Variants in LPCAT2 observed in about 807,000 individuals in gnomAD.
The protein encoded by LPCAT2 is 1-AGP acyltransferase 11.
In LPCAT2, 58 loss-of-function variants were observed where a neutral mutation model predicts 64.7. The observed-to-expected ratio is 0.90, with a 90% CI of 0.73 to 1.12. The LOEUF is 1.12. LPCAT2 is among the 50% of genes most tolerant of loss of function. The pLI is 0.00. For synonymous variants in LPCAT2, 252 were observed against 245.3 expected, an observed-to-expected ratio of 1.03 and a Z score of -0.26; for missense variants, 579 against 669.8, an observed-to-expected ratio of 0.86 and a Z score of 1.50.
intron 1 of LPCAT2, among the ~76,000 whole-genome samples, chr16:55,514,856 A>C (rs540587916): frequency 1.3e-5 from 2 of 151,514 alleles, no homozygotes; most frequent in Admixed American, 1.3e-4. Flanking sequence ...GCAGGGTATC[A>C]CCAAATGGAG....
chr16:55,575,937 A>C (rs527923179), intron 12 of LPCAT2, among the ~76,000 whole-genome samples: 1 of 152,328 alleles, frequency 6.6e-6, no homozygotes, highest in African/African-American at 2.4e-5. Context: ...TAAAACCTAA[A>C]ATTACACACA....
intron 11 of LPCAT2, chr16:55,566,682 C>T (rs1963700524): frequency 1.3e-6 from 2 of 1,482,334 alleles, no homozygotes; most frequent in East Asian, 4.6e-5. Flanking sequence ...CACATGTAAA[C>T]TACTTGAACT....
At chr16:55,545,499 C>CTT in intron 8 of LPCAT2, 1 of 349,192 alleles carries the variant, frequency 2.9e-6, no homozygotes, top group Non-Finnish European at 5.2e-6. Flanking sequence ...TCTTAGCCCT[C>CTT]TTTTTAGAGT....
At chr16:55,571,560 A>T (rs1479431375) in intron 11 of LPCAT2, among the ~76,000 whole-genome samples, 1 of 152,080 alleles carries the variant, frequency 6.6e-6, no homozygotes, top group East Asian at 1.9e-4. Flanking sequence ...TTATGGAGGG[A>T]TTACGGCCTC....
rs1424529298 is a variant in LPCAT2, at chr16:55,586,057, T to C, written c.*2959T>C. 4.6e-5 allele frequency: 7 copies of C among 152,112 alleles called. No individual in the cohort carries two copies. The highest frequency in any genetic ancestry group is 1.7e-4 in the African/African-American group (7 of 41,440). The allele number at this position is 152,112 out of a possible 1,614,324, so 9.4% of individuals were successfully genotyped here. On this transcript the variant is annotated 3_prime_UTR_variant, in exon 14 of 14. Transcript: ENST00000262134. ...CCATTCCCGGGAAAGTAGACATACTTACATTTTTTTCCTTTTCTGCTCATT... is the reference window on the plus strand; with the variant it reads ...CCATTCCCGGGAAAGTAGACATACTCACATTTTTTTCCTTTTCTGCTCATT...
intron 13 of LPCAT2, 130 bp downstream of exon 13, chr16:55,579,374 A>C: frequency 6.9e-6 from 6 of 874,134 alleles, no homozygotes; most frequent in Non-Finnish European, 1.0e-5. Context: ...ATTGATGACC[A>C]CAGTAATAAT....
At chr16:55,528,760 GA>G (rs1349114216) in intron 3 of LPCAT2, among the ~76,000 whole-genome samples, 166 bp downstream of exon 3, 1 of 152,006 alleles carries the variant, frequency 6.6e-6, no homozygotes, top group African/African-American at 2.4e-5. Flanking sequence ...GTATATTTAT[GA>G]AAAAAGATTA....
chr16:55,535,436 G>T lies in LPCAT2; in HGVS notation c.797+959G>T, dbSNP rs370109185. The stretch of plus-strand genomic sequence containing the variant: ...AGAATAGGTAACTGATGAGACAGTA[G>T]AATAAATATTAACACATATGAAACA... On this transcript the variant is annotated intron_variant, in intron 7 of 13. Transcript: ENST00000262134. 3.3e-5 allele frequency among the ~76,000 whole-genome samples: 5 copies of T among 152,208 alleles called. No homozygotes were observed. In the East Asian group the frequency reaches 5.8e-4, roughly 18 times the overall value.
intron 6 of LPCAT2, among the ~76,000 whole-genome samples, chr16:55,534,173 G>A (rs1290335445): frequency 6.6e-6 from 1 of 152,046 alleles, no homozygotes; most frequent in Non-Finnish European, 1.5e-5. Flanking sequence ...GAGAAAAGTG[G>A]CTAAGCATGT....
At chr16:55,575,663 C>T (rs1455636401) in intron 12 of LPCAT2, among the ~76,000 whole-genome samples, 3 of 152,168 alleles carry the variant, frequency 2.0e-5, no homozygotes, top group African/African-American at 7.2e-5. Flanking sequence ...TTTCCCCCCT[C>T]TATTATCTAG....
intron 11 of LPCAT2, among the ~76,000 whole-genome samples, chr16:55,572,630 G>A (rs376991278): frequency 8.7e-5 from 7 of 80,730 alleles, no homozygotes; most frequent in Non-Finnish European, 1.4e-4. Flanking sequence ...AGATATTGGC[G>A]CTGGTTACCA....
chr16:55,531,015 A>G (rs1281982229), intron 4 of LPCAT2, among the ~76,000 whole-genome samples: 1 of 152,162 alleles, frequency 6.6e-6, no homozygotes, highest in African/African-American at 2.4e-5. Flanking sequence ...ATTAATCGTT[A>G]GTAGTTTAGT....
At chr16:55,566,565 T>C (rs1418656683) in intron 11 of LPCAT2, 2 of 564,936 alleles carry the variant, frequency 3.5e-6, no homozygotes, top group Middle Eastern at 4.7e-4. Flanking sequence ...TTGTAAAATA[T>C]GGCAGGTGCT....
chr16:55,553,609 A>G (rs1963542833), intron 11 of LPCAT2, among the ~76,000 whole-genome samples: 1 of 152,216 alleles, frequency 6.6e-6, no homozygotes, highest in Admixed American at 6.5e-5. Flanking sequence ...AAAGTCATCC[A>G]TAAGTGTTGT....
intron 10 of LPCAT2, among the ~76,000 whole-genome samples, chr16:55,549,638 G>A (rs2287072): frequency 0.8 from 121,382 of 152,080 alleles, 51,540 homozygotes; most frequent in Non-Finnish European, 0.94. Flanking sequence ...GATAATAAAT[G>A]TGGATCCACA....
chr16:55,567,768 G>A (rs1372676935), intron 11 of LPCAT2: 11 of 372,060 alleles, frequency 3.0e-5, no homozygotes, highest in Non-Finnish European at 1.5e-5. Flanking sequence ...AGGTTGTGGG[G>A]TAGAGTTCTA....
intron 11 of LPCAT2, chr16:55,567,648 GC>G: frequency 1.3e-6 from 1 of 763,500 alleles, no homozygotes; most frequent in Non-Finnish European, 2.1e-6. Flanking sequence ...ATCATGTGCT[GC>G]CTTTTACTGC....
chr16:55,527,965 G>A (rs1252174445), intron 2 of LPCAT2, among the ~76,000 whole-genome samples: 1 of 152,196 alleles, frequency 6.6e-6, no homozygotes, highest in Non-Finnish European at 1.5e-5. Flanking sequence ...CACTTTGAAG[G>A]ACAATACTGA....
intron 8 of LPCAT2, 54 bp downstream of exon 8, chr16:55,537,686 T>G: frequency 6.8e-7 from 1 of 1,480,838 alleles, no homozygotes; most frequent in East Asian, 2.3e-5. Flanking sequence ...TTCCTTTAAT[T>G]TTGAACCTCT....
Sources: allele counts gnomAD v4.1 joint callset (sites outside exome capture counted in the v4.1 genomes callset), GRCh38; gene constraint gnomAD v4.1.1; transcripts MANE v1.5; gene names NCBI Gene and HGNC (gene_info 2026-07-23, HGNC 2026-07-21).